PCDH11Y: variants seen among roughly 807,000 people sequenced by gnomAD.
PCDH11Y encodes protocadherin 11 Y-linked.
For synonymous variants in PCDH11Y, 9 were observed against 83.6 expected (o/e 0.11, Z 4.87); for missense variants, 12 against 224.8 (o/e 0.05, Z 6.05).
intron 4 of PCDH11Y, among the ~76,000 whole-genome samples, chrY:5,687,692 A>G (rs2053564764): frequency 5.5e-4 from 18 of 32,614 alleles, no homozygotes; most frequent in Non-Finnish European, 1.3e-3. Context: ...TTAACAATAA[A>G]GCAAATTTCT....
intron 2 of PCDH11Y, among the ~76,000 whole-genome samples, chrY:5,347,459 A>C: frequency 3.0e-5 from 1 of 32,808 alleles, no homozygotes; most frequent in Non-Finnish European, 7.4e-5. Flanking sequence ...TCAATAAATA[A>C]ATTTAAATAA....
chrY:5,044,667 G>C, intron 3 of PCDH11Y, among the ~76,000 whole-genome samples: 1 of 32,760 alleles, frequency 3.1e-5, no homozygotes, highest in Non-Finnish European at 7.5e-5. Context: ...TGGTATCCTT[G>C]TTGACTTTCT....
At chrY:5,396,028 T>C (rs2053226684) in intron 2 of PCDH11Y, among the ~76,000 whole-genome samples, 1 of 33,640 alleles carries the variant, frequency 3.0e-5, no homozygotes, top group Non-Finnish European at 7.3e-5. Flanking sequence ...TCTCGGCTCA[T>C]TGCAACCTCT....
intron 2 of PCDH11Y, among the ~76,000 whole-genome samples, chrY:5,182,762 T>C: frequency 3.0e-5 from 1 of 33,026 alleles, no homozygotes. Context: ...GGACCATCTG[T>C]ATTCTCCACA....
At chrY:5,632,308 G>A (rs2053513124) in intron 4 of PCDH11Y, among the ~76,000 whole-genome samples, 1 of 32,400 alleles carries the variant, frequency 3.1e-5, no homozygotes, top group African/African-American at 1.2e-4. Context: ...GCTTACTATT[G>A]TTAAAATCCA....
chrY:5,416,068 C>T, intron 2 of PCDH11Y, among the ~76,000 whole-genome samples: 1 of 31,769 alleles, frequency 3.1e-5, no homozygotes, highest in Non-Finnish European at 7.6e-5. Context: ...TGGCCTCATA[C>T]AGTGAATTAG....
At chrY:5,287,053 C>T (rs1602899550) in intron 2 of PCDH11Y, among the ~76,000 whole-genome samples, 1 of 33,222 alleles carries the variant, frequency 3.0e-5, no homozygotes, top group Non-Finnish European at 7.4e-5. Context: ...ATAGCTCTTA[C>T]TATTTTGAGG....
At chrY:5,354,005 C>T in intron 2 of PCDH11Y, among the ~76,000 whole-genome samples, 1 of 33,414 alleles carries the variant, frequency 3.0e-5, no homozygotes, top group Non-Finnish European at 7.4e-5. Context: ...CCCCCACCTC[C>T]GTGCCAAAAA....
intron 4 of PCDH11Y, among the ~76,000 whole-genome samples, chrY:5,725,263 C>T (rs2053597943): frequency 8.4e-5 from 2 of 23,717 alleles, no homozygotes; most frequent in African/African-American, 1.6e-4. Context: ...AGGGAAATTC[C>T]GTCTCAAAAA....
chrY:5,177,410 G>A (rs2052894951), intron 2 of PCDH11Y, among the ~76,000 whole-genome samples: 1 of 33,482 alleles, frequency 3.0e-5, no homozygotes, highest in South Asian at 6.5e-4. Flanking sequence ...TATGTTTGTT[G>A]CAGCATTGTT....
chrY:5,170,327 A>T, intron 2 of PCDH11Y, among the ~76,000 whole-genome samples: 2 of 29,216 alleles, frequency 6.8e-5, no homozygotes, highest in African/African-American at 2.7e-4. Context: ...TTAGTAACGC[A>T]TGCTTGCAGG....
At chrY:5,444,166 C>T in intron 2 of PCDH11Y, among the ~76,000 whole-genome samples, 1 of 31,343 alleles carries the variant, frequency 3.2e-5, no homozygotes, top group Non-Finnish European at 7.8e-5. Flanking sequence ...TGATGGATAC[C>T]CCATTTACTC....
intron 4 of PCDH11Y, among the ~76,000 whole-genome samples, chrY:5,600,625 T>C (rs2053471972): frequency 3.1e-5 from 1 of 32,250 alleles, no homozygotes; most frequent in Non-Finnish European, 7.5e-5. Context: ...TACTTAATGG[T>C]ACTTAAATCC....
chrY:5,219,589 G>A, intron 2 of PCDH11Y, among the ~76,000 whole-genome samples: 2 of 33,186 alleles, frequency 6.0e-5, no homozygotes, highest in Non-Finnish European at 1.5e-4. Flanking sequence ...TCTTTTAAAA[G>A]TATTTAGTTG....
At chrY:5,731,443 T>C (rs2053604621) in intron 4 of PCDH11Y, among the ~76,000 whole-genome samples, 58 of 33,032 alleles carry the variant, frequency 1.8e-3, no homozygotes, top group African/African-American at 6.7e-3. Context: ...GAGGATCTTT[T>C]GAATTCCTGT....
At chrY:5,431,543 A>G in intron 2 of PCDH11Y, among the ~76,000 whole-genome samples, 2 of 33,207 alleles carry the variant, frequency 6.0e-5, no homozygotes, top group Non-Finnish European at 1.5e-4. Context: ...GCTTCTTTGA[A>G]TAATTATTTT....
intron 2 of PCDH11Y, among the ~76,000 whole-genome samples, chrY:5,439,684 C>T: frequency 6.0e-5 from 2 of 33,204 alleles, no homozygotes; most frequent in Admixed American, 2.7e-4. Flanking sequence ...AAGAAACTCA[C>T]CATTTTTTTC....
intron 2 of PCDH11Y, among the ~76,000 whole-genome samples, chrY:5,473,227 C>A: frequency 6.9e-5 from 2 of 29,110 alleles, no homozygotes; most frequent in South Asian, 1.7e-3. Flanking sequence ...GTATACAGTT[C>A]AATGGCATTA....
chrY:5,469,772 G>A, intron 2 of PCDH11Y, among the ~76,000 whole-genome samples: 1 of 33,825 alleles, frequency 3.0e-5, no homozygotes, highest in African/African-American at 1.1e-4. Context: ...GATACAGATG[G>A]TCATTGATGT....
Sources: allele counts gnomAD v4.1 joint callset (sites outside exome capture counted in the v4.1 genomes callset), GRCh38; gene constraint gnomAD v4.1.1; transcripts MANE v1.5; gene names NCBI Gene and HGNC (gene_info 2026-07-23, HGNC 2026-07-21).